SYNE2: variants seen among roughly 807,000 people sequenced by gnomAD.
The protein encoded by SYNE2 is spectrin repeat containing nuclear envelope protein 2.
Under a neutral mutation model 856.3 loss-of-function variants are expected in SYNE2, and 431 were observed. The ratio of observed to expected loss-of-function variants is 0.50; its 90% CI spans 0.47 to 0.55. The LOEUF (loss-of-function observed/expected upper bound fraction) is 0.55, where lower values mean the gene tolerates loss of function less well. SYNE2 is among the 20% of genes least tolerant of loss of function. SYNE2 has a pLI of 0.00. For synonymous variants in SYNE2, 2,923 were observed against 2,872.3 expected (o/e 1.02, Z -0.56); for missense variants, 8,129 against 8,023.2 (o/e 1.01, Z -0.50).
chr14:64,098,428 G>T, intron 62 of SYNE2: 1 of 586,432 alleles, frequency 1.7e-6, no homozygotes. Flanking sequence ...AAGTATCTTC[G>T]TACAGAAAAG....
intron 100 of SYNE2, among the ~76,000 whole-genome samples, chr14:64,206,422 G>A (rs559408657): frequency 4.6e-5 from 7 of 151,836 alleles, no homozygotes; most frequent in Non-Finnish European, 7.4e-5. Context: ...GCACTTAAAT[G>A]GTCTGCATTT....
intron 89 of SYNE2, among the ~76,000 whole-genome samples, chr14:64,165,062 T>C (rs2098365304): frequency 2.0e-5 from 3 of 151,780 alleles, no homozygotes; most frequent in Admixed American, 6.6e-5. Context: ...TAATTTTTTA[T>C]TTTTTGCAGA....
At chr14:64,134,815 A>G (rs1164974130) in intron 78 of SYNE2, among the ~76,000 whole-genome samples, 2 of 151,440 alleles carry the variant, frequency 1.3e-5, no homozygotes, top group Non-Finnish European at 2.9e-5. Context: ...TGTCTCTACT[A>G]AAATACAAAA....
chr14:64,175,088 A>C lies in SYNE2; in HGVS notation c.17380A>C (p.Met5794Leu). Residue 5794 changes from methionine to leucine, a missense_variant, in exon 95 of 116, where the codon ATG becomes CTG. By Grantham distance (15) the Met-to-Leu change is conservative. Around this residue, in one of 3 missense-constraint regions of SYNE2, gnomAD observed 5,410 missense variants for 5,284.8 expected, o/e 1.02. Coordinates refer to ENST00000555002, the MANE Select transcript of SYNE2 (RefSeq NM_182914.3). ...TCAACTTCAGGACAGCTGGAAAGAC[A>C]TGGAGCCCCAGCTGGCAGAGATGAT... is the stretch of plus-strand genomic sequence containing the variant. Reference protein sequence around the residue: ...ISQLQDSWKDMEPQLAEMIKQ... With the variant: ...ISQLQDSWKDLEPQLAEMIKQ... The C allele has an allele frequency of 1.2e-6, 2 of 1,614,172 alleles. No individual in the cohort carries two copies. Among genetic ancestry groups the C allele is most frequent in the Non-Finnish European group, 1.7e-6 (2 of 1,180,006 alleles).
At chr14:63,992,057 T>G (rs140729914) in intron 21 of SYNE2, among the ~76,000 whole-genome samples, 156 of 152,228 alleles carry the variant, frequency 1.0e-3, no homozygotes, top group African/African-American at 3.6e-3. Context: ...CTTGTCTGCT[T>G]GATCTCACGC....
At chr14:64,014,974 T>TAC (rs1162341254) in intron 32 of SYNE2, among the ~76,000 whole-genome samples, 929 of 84,460 alleles carry the variant, frequency 0.011, 34 homozygotes, top group African/African-American at 0.018. Context: ...TATATATATA[T>TAC]ACACACACAC....
Position 63,954,727 on chromosome 14 carries a change from C to G in SYNE2, c.599C>G (p.Ser200Cys). 1 of 1,613,894 alleles carries G rather than the reference C, an allele frequency of 6.2e-7. No individual in the cohort carries two copies. Among genetic ancestry groups the G allele is most frequent in the Middle Eastern group, 1.6e-4 (1 of 6,062 alleles). Reference protein sequence around the residue: ...WAQEQCATYESVNVTDFKSSW... With the variant: ...WAQEQCATYECVNVTDFKSSW... ...TTGTCTTTTTATGATAGCTATGAGT[C>G]TGTCAATGTGACCGATTTTAAGTCA... is the stretch of plus-strand genomic sequence containing the variant. The change falls in exon 8 of 116, where the codon TCT becomes TGT. Residue 200 changes from serine to cysteine, a missense_variant. Coordinates refer to ENST00000555002, the MANE Select transcript of SYNE2 (RefSeq NM_182914.3).
At position 64,220,624 on chromosome 14, in the gene SYNE2, T is replaced by G. The variant is rs2098689863; in HGVS notation, c.20048T>G (p.Leu6683Arg). The change falls in exon 111 of 116, where the codon CTC becomes CGC. Residue 6683 changes from leucine to arginine, a missense_variant. Physicochemically the swap from Leu to Arg is moderately radical, Grantham distance 102. This residue lies in a region of SYNE2 where 5,410 missense variants were observed against 5,284.8 expected (regional missense o/e 1.02). Coordinates refer to ENST00000555002, the MANE Select transcript of SYNE2 (RefSeq NM_182914.3). ...TGGAGAGGGGGCTTACGACAGTCGC[T>G]CATGCAGTGCCAGGTACGCTGACTC... The part of the protein sequence containing the change: ...DSWRGGLRQS[L>R]MQCQDFHQLS... 4 of 1,613,922 alleles carry G rather than the reference T, an allele frequency of 2.5e-6. No individual in the cohort carries two copies. The highest frequency in any genetic ancestry group is 3.4e-6 in the Non-Finnish European group (4 of 1,180,008).
intron 90 of SYNE2, among the ~76,000 whole-genome samples, chr14:64,166,328 A>G (rs778959687): frequency 6.6e-6 from 1 of 152,238 alleles, no homozygotes; most frequent in Non-Finnish European, 1.5e-5. Context: ...AATATTTATG[A>G]TCTGCCCTTT....
At chr14:63,891,430 T>C (rs2095129666) in intron 1 of SYNE2, among the ~76,000 whole-genome samples, 1 of 152,170 alleles carries the variant, frequency 6.6e-6, no homozygotes, top group Non-Finnish European at 1.5e-5. Context: ...AAGGTTTGTC[T>C]TGGAGATTAA....
At chr14:63,798,917 A>G (rs1333106512) in intron 1 of SYNE2, among the ~76,000 whole-genome samples, 1 of 152,186 alleles carries the variant, frequency 6.6e-6, no homozygotes, top group African/African-American at 2.4e-5. Context: ...TGTGGATGCC[A>G]GAGATGACCC....
chr14:64,126,120 G>A (rs993388393), intron 71 of SYNE2, among the ~76,000 whole-genome samples: 2 of 152,044 alleles, frequency 1.3e-5, no homozygotes, highest in Non-Finnish European at 1.5e-5. Flanking sequence ...ACTACCTAAC[G>A]TTGAGCTTCT....
chr14:63,784,013 C>A (rs1336201055), intron 1 of SYNE2, among the ~76,000 whole-genome samples: 1 of 152,134 alleles, frequency 6.6e-6, no homozygotes, highest in African/African-American at 2.4e-5. Context: ...GCCCTCTATA[C>A]CTGGTAACAA....
Position 64,002,995 on chromosome 14 carries a change from A to G in SYNE2, c.4062A>G (p.Gln1354=), listed in dbSNP as rs1354763338. The G allele has an allele frequency of 6.2e-7, 1 of 1,614,236 alleles. No individual in the cohort carries two copies. Among genetic ancestry groups the G allele is most frequent in the Non-Finnish European group, 8.5e-7 (1 of 1,180,040 alleles). The change falls in exon 30 of 116, where the codon CAA becomes CAG. Residue 1354 remains glutamine, a synonymous_variant. Coordinates refer to ENST00000555002, the MANE Select transcript of SYNE2 (RefSeq NM_182914.3). ...CAGCCTCAGATACACAGGTGGCACA[A>G]GAAAATACGTTGACAGTAAAAAATA... The part of the protein sequence containing the change: ...DLSASDTQVA[Q]ENTLTVKNKE...
At chr14:64,216,440 A>C (rs764221185) in intron 108 of SYNE2, 53 bp downstream of exon 108, 1 of 1,593,256 alleles carries the variant, frequency 6.3e-7, no homozygotes, top group Non-Finnish European at 8.6e-7. Flanking sequence ...TCATACTTAC[A>C]TTTGCAAGAG....
At chr14:63,867,529 C>T (rs752015155) in intron 1 of SYNE2, among the ~76,000 whole-genome samples, 119 of 151,722 alleles carry the variant, frequency 7.8e-4, no homozygotes, top group Non-Finnish European at 1.4e-3. Flanking sequence ...TAAACCTTGT[C>T]TCTACTAAAA....
rs1207321212 is a variant in SYNE2 at position 64,055,032 on chromosome 14, G to A, written c.9745-912G>A. 1.3e-5 allele frequency among the ~76,000 whole-genome samples: 2 copies of A among 152,060 alleles called. 1 individual carries two copies. The highest frequency in any genetic ancestry group is 2.9e-5 in the Non-Finnish European group (2 of 68,004). ...ATGTGCATAAATCCCAAAAATAATAGGATTAGAACTGAACTGGAAGGGACC... is the reference window on the plus strand; with the variant it reads ...ATGTGCATAAATCCCAAAAATAATAAGATTAGAACTGAACTGGAAGGGACC... On this transcript the variant is annotated intron_variant, in intron 48 of 115. Transcript: ENST00000555002.
intron 45 of SYNE2, among the ~76,000 whole-genome samples, chr14:64,036,722 C>T (rs992953461): frequency 2.0e-5 from 3 of 152,116 alleles, no homozygotes; most frequent in African/African-American, 4.8e-5. Context: ...CAATCACTTA[C>T]AGGCCAAAGA....
upstream of SYNE2, among the ~76,000 whole-genome samples, chr14:63,851,975 C>CGG (rs113075796): frequency 1.3e-4 from 3 of 23,592 alleles, no homozygotes; most frequent in East Asian, 3.3e-3. Flanking sequence ...AGCTACTAAG[C>CGG]GGGGGGGGGG....
Sources: gnomAD v4.1 joint callset for allele counts (sites outside exome capture counted in the v4.1 genomes callset) on GRCh38, gnomAD v4.1.1 for gene constraint, gnomAD v4.1.1 regional missense constraint, MANE v1.5 for transcripts, NCBI Gene and HGNC (gene_info 2026-07-23, HGNC 2026-07-21) for gene names.